The following CYP4F3 variants were observed in gnomAD, a reference collection of about 807,000 sequenced individuals.
CYP4F3 encodes the protein cytochrome P450 4F3.
In CYP4F3, 50 loss-of-function variants were observed where a neutral mutation model predicts 54.8. The ratio of observed to expected loss-of-function variants is 0.91; its 90% confidence interval spans 0.73 to 1.16. The LOEUF is 1.16. Among genes scored for constraint, CYP4F3 ranks in the 50% most tolerant of loss-of-function variants. The pLI is 0.00. For missense variants in CYP4F3, 715 were observed against 676.2 expected, an observed-to-expected ratio of 1.06 and a Z score of -0.64; for synonymous variants, 244 against 262.6, an observed-to-expected ratio of 0.93 and a Z score of 0.69.
rs755741126 is a variant in CYP4F3, at chr19:15,647,103, TGGGTGAGTATCTGTA to T, written c.397+1_397+15del. 2.5e-6 allele frequency: 4 copies of T among 1,613,732 alleles called. No individual in the cohort carries two copies. The highest frequency in any genetic ancestry group is 3.4e-6 in the Non-Finnish European group (4 of 1,180,026). ...TTCTACAGCTTCCTGAAGCCCTGGC[TGGGTGAGTATCTGTA>T]GGTGAACAGGGTTGGGAACAACCTG... On this transcript the variant is annotated splice_donor_variant and splice_donor_5th_base_variant and coding_sequence_variant and intron_variant, in exon 4 of 13. Transcript: ENST00000221307. LOFTEE classifies it high-confidence loss of function.
chr19:15,645,616 C>A, intron 2 of CYP4F3, 103 bp from the exon 3 acceptor site: 1 of 1,449,834 alleles, frequency 6.9e-7, no homozygotes. Context: ...AGATGAGATG[C>A]TGCTTGAAAT....
chr19:15,645,775 T>G lies in CYP4F3; in HGVS notation c.255T>G (p.Gly85=), dbSNP rs61734304. Residue 85 remains glycine (G), a synonymous_variant, in exon 3 of 13, where the codon GGT becomes GGG. Coordinates refer to ENST00000221307, the MANE Select transcript of CYP4F3 (RefSeq NM_000896.3). ...LYTQSLACTF[G]DMCCWWVGPW... ...CACAAAGCCTGGCATGCACCTTCGGTGATATGTGCTGCTGGTGGGTGGGGC... is the reference window on the plus strand; with the variant it reads ...CACAAAGCCTGGCATGCACCTTCGGGGATATGTGCTGCTGGTGGGTGGGGC... The G allele has an allele frequency of 3.2e-5, 52 of 1,613,890 alleles. No individual in the cohort carries two copies. The highest frequency in any genetic ancestry group is 4.3e-5 in the Non-Finnish European group (51 of 1,179,880).
Position 15,662,385 on chromosome 19 carries a change from A to G in CYP4F3, c.*3000A>G, listed in dbSNP as rs1973201856. The G allele has an allele frequency of 6.6e-6, 1 of 151,826 alleles. No homozygotes were observed. Among genetic ancestry groups the G allele is most frequent in the African/African-American group, 2.4e-5 (1 of 41,318 alleles). The allele number at this position is 151,826 out of a possible 1,614,324, so 9.4% of individuals were successfully genotyped here. A position where few individuals can be genotyped will look rare whatever the true frequency, so the allele number is the denominator to read the frequency against. ...CTCAATTGTTGAAATTTGGGTGGATATATTTCTGGATTTTCTATTCTATTC... is the reference window on the plus strand; with the variant it reads ...CTCAATTGTTGAAATTTGGGTGGATGTATTTCTGGATTTTCTATTCTATTC... On this transcript the variant is annotated 3_prime_UTR_variant, in exon 13 of 13. Coordinates refer to ENST00000221307, the MANE Select transcript of CYP4F3 (RefSeq NM_000896.3).
At position 15,658,040 on chromosome 19, in the gene CYP4F3, T is replaced by A. The variant is rs564618962; in HGVS notation, c.1116-224T>A. ...CCCCTTTACCAAATGTGAAGTTTTC[T>A]CTTATTCTCATGTCTTTTTCTGAGC... On this transcript the variant is annotated intron_variant, in intron 9 of 12. Coordinates refer to ENST00000221307, the MANE Select transcript of CYP4F3 (RefSeq NM_000896.3). The A allele has an allele frequency of 3.6e-5, 32 of 889,416 alleles. No homozygotes were observed. In the South Asian group the frequency reaches 1.6e-3, roughly 43 times the overall value. 55.1% of individuals were successfully genotyped at this position (889,416 alleles called of 1,614,324 possible).
chr19:15,645,302 G>A (rs1020060019), intron 2 of CYP4F3, among the ~76,000 whole-genome samples: 2 of 152,140 alleles, frequency 1.3e-5, no homozygotes, highest in Non-Finnish European at 2.9e-5. Context: ...GGCAGGCCTG[G>A]GCCTTCTAGA....
chr19:15,649,318 G>A, intron 6 of CYP4F3, 37 bp downstream of exon 6: 1 of 1,611,452 alleles, frequency 6.2e-7, no homozygotes, highest in Non-Finnish European at 8.5e-7. Context: ...CCTGGGCCGT[G>A]GACACAAAGT....
chr19:15,649,096 G>C, intron 5 of CYP4F3, 64 bp from the exon 6 acceptor site: 2 of 1,599,982 alleles, frequency 1.3e-6, no homozygotes, highest in South Asian at 1.1e-5. Flanking sequence ...ATTGATTGTT[G>C]GGGTTGGAGA....
intron 2 of CYP4F3, among the ~76,000 whole-genome samples, chr19:15,645,143 G>A (rs145843821): frequency 4.1e-4 from 62 of 152,106 alleles, no homozygotes; most frequent in African/African-American, 1.3e-3. Context: ...CCCTCATGAC[G>A]TCAACAATGA....
chr19:15,654,851 TC>T (rs1972971778), intron 9 of CYP4F3, among the ~76,000 whole-genome samples: 1 of 152,244 alleles, frequency 6.6e-6, no homozygotes, highest in Non-Finnish European at 1.5e-5. Context: ...ATATTTATTT[TC>T]TTTCTTTGGG....
Position 15,658,325 on chromosome 19 carries a change from C to A in CYP4F3, c.1177C>A (p.Pro393Thr). ...MCIKESLRLHPPVPAVSRCCT... is the reference protein window; with the variant it reads ...MCIKESLRLHTPVPAVSRCCT... Reference sequence around the variant, plus strand: ...CATTAAGGAGAGCCTGAGGCTGCATCCCCCAGTCCCTGCCGTCTCTCGCTG... The same window carrying A: ...CATTAAGGAGAGCCTGAGGCTGCATACCCCAGTCCCTGCCGTCTCTCGCTG... The change falls in exon 10 of 13, where the codon CCC becomes ACC. Residue 393 changes from proline (P) to threonine (T), a missense_variant. By Grantham distance (38) the Pro-to-Thr change is conservative (BLOSUM62 -1). Coordinates refer to ENST00000221307, the MANE Select transcript of CYP4F3 (RefSeq NM_000896.3). 3 of 1,614,120 alleles carry A rather than the reference C, an allele frequency of 1.9e-6. No individual in the cohort carries two copies. In the South Asian group the frequency reaches 3.3e-5, roughly 18 times the overall value.
At chr19:15,655,451 G>C (rs191374700) in intron 9 of CYP4F3, among the ~76,000 whole-genome samples, 1 of 152,122 alleles carries the variant, frequency 6.6e-6, no homozygotes, top group African/African-American at 2.4e-5. Flanking sequence ...CCCATGTCCC[G>C]GAGTATAAAA....
At chr19:15,643,017 G>T (rs1483279902) in intron 2 of CYP4F3, among the ~76,000 whole-genome samples, 1 of 151,784 alleles carries the variant, frequency 6.6e-6, no homozygotes, top group Non-Finnish European at 1.5e-5. Flanking sequence ...TGGATGGATA[G>T]ATAGCTAGAT....
chr19:15,655,410 T>G (rs1972985728), intron 9 of CYP4F3, among the ~76,000 whole-genome samples: 1 of 152,214 alleles, frequency 6.6e-6, no homozygotes, highest in Non-Finnish European at 1.5e-5. Context: ...GCTCTGCTTT[T>G]GAGGTCTTAC....
At position 15,645,875 on chromosome 19, in the gene CYP4F3, A is replaced by G; in HGVS notation, c.343+12A>G. On this transcript the variant is annotated intron_variant, in intron 3 of 12. Coordinates refer to ENST00000221307, the MANE Select transcript of CYP4F3 (RefSeq NM_000896.3). Reference sequence around the variant, plus strand: ...GCTCTTTGCTCCAGGTAGACACTGCACTGGCCACTCCAGGTAGACACTGCA... The same window carrying G: ...GCTCTTTGCTCCAGGTAGACACTGCGCTGGCCACTCCAGGTAGACACTGCA... 6.3e-7 allele frequency: 1 copy of G among 1,595,240 alleles called. No homozygotes were observed. The highest frequency in any genetic ancestry group is 1.1e-5 in the South Asian group (1 of 87,882).
chr19:15,646,939 T>C, intron 3 of CYP4F3, 113 bp from the exon 4 acceptor site: 5 of 1,459,600 alleles, frequency 3.4e-6, no homozygotes, highest in Non-Finnish European at 4.7e-6. Context: ...CTCTTCTTGC[T>C]ATGTGGGGCT....
intron 6 of CYP4F3, among the ~76,000 whole-genome samples, 156 bp from the exon 7 acceptor site, chr19:15,649,757 C>T (rs1028895696): frequency 4.6e-5 from 7 of 152,064 alleles, no homozygotes; most frequent in African/African-American, 1.4e-4. Context: ...CCTGGAGAGT[C>T]GATTTCATGC....
intron 5 of CYP4F3, among the ~76,000 whole-genome samples, chr19:15,647,694 G>C (rs898319563): frequency 3.3e-5 from 5 of 152,208 alleles, no homozygotes; most frequent in African/African-American, 9.7e-5. Context: ...GGGACAGTTC[G>C]TGGATTCTTC....
At chr19:15,646,996 C>A in intron 3 of CYP4F3, 56 bp from the exon 4 acceptor site, 3 of 1,607,642 alleles carry the variant, frequency 1.9e-6, no homozygotes, top group Non-Finnish European at 2.5e-6. Context: ...CCCCCCACCC[C>A]CAAAGTTCCT....
At chr19:15,644,291 C>G (rs150136744) in intron 2 of CYP4F3, among the ~76,000 whole-genome samples, 1 of 152,194 alleles carries the variant, frequency 6.6e-6, no homozygotes, top group Non-Finnish European at 1.5e-5. Flanking sequence ...GAGACCTCAA[C>G]CCAAGGCCCT....
Sources: allele counts gnomAD v4.1 joint callset (sites outside exome capture counted in the v4.1 genomes callset), GRCh38; gene constraint gnomAD v4.1.1; transcripts MANE v1.5; gene names NCBI Gene and HGNC (gene_info 2026-07-23, HGNC 2026-07-21).